Variants in PHACTR1 observed in about 807,000 individuals in gnomAD.
PHACTR1 encodes the protein phosphatase and actin regulator 1.
A neutral mutation model predicts 69.2 loss-of-function variants in PHACTR1; 16 were observed. The observed-to-expected ratio is 0.23, with a 90% CI of 0.16 to 0.35. The LOEUF (loss-of-function observed/expected upper bound fraction) is 0.35. Ranked by LOEUF, PHACTR1 falls within the 10% of genes least tolerant of loss-of-function variation. PHACTR1 has a pLI of 1.00. For missense variants in PHACTR1, 510 were observed against 734.7 expected (o/e 0.69, Z 3.54); for synonymous variants, 312 against 284.5 (o/e 1.10, Z -0.97).
chr6:12,820,960 C>A (rs998299945), intron 4 of PHACTR1, among the ~76,000 whole-genome samples: 7 of 152,138 alleles, frequency 4.6e-5, no homozygotes, highest in Non-Finnish European at 7.4e-5. Context: ...AATGCCTTTA[C>A]TTTTGTTTGA....
At chr6:13,013,597 G>A (rs570282685) in intron 4 of PHACTR1, among the ~76,000 whole-genome samples, 64 of 152,318 alleles carry the variant, frequency 4.2e-4, no homozygotes, top group Non-Finnish European at 7.9e-4. Context: ...GCTGCCAGAG[G>A]AGGATGTGCA....
chr6:12,784,531 A>G (rs1347488489), intron 4 of PHACTR1, among the ~76,000 whole-genome samples: 1 of 151,556 alleles, frequency 6.6e-6, no homozygotes, highest in Non-Finnish European at 1.5e-5. Context: ...CATATACATG[A>G]TATGTACATA....
intron 8 of PHACTR1, among the ~76,000 whole-genome samples, chr6:13,209,680 T>C (rs985671878): frequency 1.4e-4 from 21 of 152,234 alleles, no homozygotes; most frequent in African/African-American, 5.1e-4. Context: ...ACCAAGCCCC[T>C]GCTCACAGCA....
At chr6:12,927,431 C>T (rs1243633541) in intron 4 of PHACTR1, among the ~76,000 whole-genome samples, 1 of 139,998 alleles carries the variant, frequency 7.1e-6, no homozygotes, top group African/African-American at 3.3e-5. Context: ...ACTGTATAAG[C>T]ATTAAAAAAA....
intron 4 of PHACTR1, among the ~76,000 whole-genome samples, chr6:13,036,688 G>A (rs1025330236): frequency 6.6e-6 from 1 of 152,166 alleles, no homozygotes; most frequent in Non-Finnish European, 1.5e-5. Context: ...CCTGTCATGC[G>A]AGAAAATTCT....
At chr6:12,926,288 G>A (rs778704475) in intron 4 of PHACTR1, among the ~76,000 whole-genome samples, 4 of 151,944 alleles carry the variant, frequency 2.6e-5, no homozygotes, top group Non-Finnish European at 5.9e-5. Context: ...TTTGACTCTT[G>A]TCTTTTCTCT....
intron 4 of PHACTR1, among the ~76,000 whole-genome samples, chr6:12,989,574 T>G (rs1796581053): frequency 6.6e-6 from 1 of 152,212 alleles, no homozygotes; most frequent in Admixed American, 6.5e-5. Context: ...CTTAATGTTT[T>G]CTGTTGAGGA....
At chr6:13,135,158 A>G (rs1191417632) in intron 5 of PHACTR1, among the ~76,000 whole-genome samples, 3 of 152,182 alleles carry the variant, frequency 2.0e-5, no homozygotes, top group Non-Finnish European at 4.4e-5. Context: ...CGTTTTCCTG[A>G]GGGCAGAAAT....
chr6:13,096,611 G>T (rs1377522851), intron 5 of PHACTR1, among the ~76,000 whole-genome samples: 1 of 152,146 alleles, frequency 6.6e-6, no homozygotes, highest in African/African-American at 2.4e-5. Context: ...AAAAGAACAA[G>T]TGCAAAGACT....
chr6:12,837,431 T>A (rs7743874), intron 4 of PHACTR1, among the ~76,000 whole-genome samples: 30,813 of 152,080 alleles, frequency 0.2, 3,352 homozygotes, highest in African/African-American at 0.28. Flanking sequence ...TCAAATATTA[T>A]CTGCCTTTCT....
intron 5 of PHACTR1, among the ~76,000 whole-genome samples, chr6:13,073,019 C>T (rs949522883): frequency 6.6e-6 from 1 of 152,056 alleles, no homozygotes; most frequent in Non-Finnish European, 1.5e-5. Context: ...AGACTGATTT[C>T]GTCTTTTGTA....
chr6:12,970,062 C>T (rs936515693), intron 4 of PHACTR1, among the ~76,000 whole-genome samples: 1 of 152,186 alleles, frequency 6.6e-6, no homozygotes, highest in Admixed American at 6.6e-5. Flanking sequence ...ATTGCTTCTG[C>T]GAACATCTGA....
At chr6:13,195,952 G>A (rs1157869208) in intron 7 of PHACTR1, among the ~76,000 whole-genome samples, 4 of 152,038 alleles carry the variant, frequency 2.6e-5, no homozygotes, top group African/African-American at 9.7e-5. Flanking sequence ...TGGAAATACA[G>A]CCCTCTTGGG....
chr6:13,135,701 A>G (rs1821440490), intron 5 of PHACTR1, among the ~76,000 whole-genome samples: 2 of 152,190 alleles, frequency 1.3e-5, no homozygotes, highest in African/African-American at 2.4e-5. Flanking sequence ...TAATGTGGAA[A>G]ACACATTTTA....
chr6:13,215,942 G>T (rs771799958), intron 8 of PHACTR1, among the ~76,000 whole-genome samples: 1 of 152,156 alleles, frequency 6.6e-6, no homozygotes, highest in Non-Finnish European at 1.5e-5. Flanking sequence ...TGCATGCCAA[G>T]CATTGTGATA....
intron 4 of PHACTR1, among the ~76,000 whole-genome samples, chr6:12,915,352 CA>C (rs1455252222): frequency 7.2e-5 from 11 of 151,784 alleles, no homozygotes; most frequent in African/African-American, 2.7e-4. Context: ...ACTAAAAATA[CA>C]AAAATCAGTA....
chr6:13,142,591 A>C (rs1480939386), intron 5 of PHACTR1, among the ~76,000 whole-genome samples: 3 of 152,198 alleles, frequency 2.0e-5, no homozygotes, highest in African/African-American at 7.2e-5. Flanking sequence ...AATGTAAGGT[A>C]GGGGTCCAAT....
At chr6:12,732,033 C>G (rs1234157295) in intron 3 of PHACTR1, among the ~76,000 whole-genome samples, 1 of 150,672 alleles carries the variant, frequency 6.6e-6, no homozygotes, top group African/African-American at 2.4e-5. Flanking sequence ...GCCTCTGACC[C>G]TTATACTGAG....
intron 4 of PHACTR1, among the ~76,000 whole-genome samples, chr6:12,815,866 T>C (rs915633255): frequency 3.3e-5 from 5 of 152,216 alleles, no homozygotes; most frequent in Non-Finnish European, 7.3e-5. Context: ...TTTCTTCTCC[T>C]GGTGTGTGTC....
Sources: gnomAD v4.1 joint callset for allele counts (sites outside exome capture counted in the v4.1 genomes callset) on GRCh38, gnomAD v4.1.1 for gene constraint, MANE v1.5 for transcripts, NCBI Gene and HGNC (gene_info 2026-07-23, HGNC 2026-07-21) for gene names.